The following GLYATL2 variants were observed in gnomAD, a reference collection of about 807,000 sequenced individuals.
The protein encoded by GLYATL2 is glycine N-acyltransferase-like protein 2.
In GLYATL2, 25 loss-of-function variants were observed where a neutral mutation model predicts 21.4. The observed-to-expected ratio is 1.17, with a 90% CI of 0.85 to 1.63. The LOEUF (loss-of-function observed/expected upper bound fraction) is 1.63. Ranked by LOEUF, GLYATL2 falls within the 40% of genes most tolerant of loss-of-function variation. The pLI, the probability that GLYATL2 is intolerant of heterozygous loss-of-function variation, is 0.00. For missense variants in GLYATL2, 361 were observed against 343.3 expected, an observed-to-expected ratio of 1.05 and a Z score of -0.41; for synonymous variants, 114 against 118.2, an observed-to-expected ratio of 0.96 and a Z score of 0.23.
intron 1 of GLYATL2, among the ~76,000 whole-genome samples, chr11:58,890,150 C>T (rs1213663816): frequency 4.6e-5 from 7 of 152,120 alleles, no homozygotes; most frequent in African/African-American, 1.7e-4. Flanking sequence ...ACATTTATGT[C>T]CATGTATGGT....
chr11:58,901,523 A>T (rs1590758285), intron 1 of GLYATL2, among the ~76,000 whole-genome samples: 1 of 152,332 alleles, frequency 6.6e-6, no homozygotes, highest in East Asian at 1.9e-4. Flanking sequence ...TTTAAAGTAA[A>T]GAGAATCACA....
At chr11:58,894,687 G>T (rs762075289) in intron 1 of GLYATL2, among the ~76,000 whole-genome samples, 5 of 152,136 alleles carry the variant, frequency 3.3e-5, no homozygotes, top group African/African-American at 4.8e-5. Flanking sequence ...TTAAGGAATT[G>T]TGTAGGTCAT....
intron 1 of GLYATL2, among the ~76,000 whole-genome samples, chr11:58,851,611 A>C (rs1853742865): frequency 2.0e-5 from 3 of 152,250 alleles, no homozygotes; most frequent in Admixed American, 2.0e-4. Flanking sequence ...CTTCTTCCAA[A>C]GAATTGTATT....
intron 1 of GLYATL2, among the ~76,000 whole-genome samples, chr11:58,860,910 G>T (rs1301970164): frequency 6.6e-6 from 1 of 152,040 alleles, no homozygotes; most frequent in East Asian, 1.9e-4. Context: ...TTATAGAACT[G>T]TACGTTGAAC....
At chr11:58,901,071 C>G (rs1020231160) in intron 1 of GLYATL2, among the ~76,000 whole-genome samples, 1 of 152,202 alleles carries the variant, frequency 6.6e-6, no homozygotes, top group Non-Finnish European at 1.5e-5. Flanking sequence ...GGTATTTAAG[C>G]GCTTGGCTTG....
chr11:58,908,508 T>C (rs527784177), upstream of GLYATL2: 39 of 213,110 alleles, frequency 1.8e-4, no homozygotes, highest in Non-Finnish European at 4.1e-4. Flanking sequence ...CATTTAGTGC[T>C]ACAGAGGATG....
At chr11:58,838,429 A>T in intron 2 of GLYATL2, 61 bp from the exon 3 acceptor site, 1 of 1,031,832 alleles carries the variant, frequency 9.7e-7, no homozygotes, top group Non-Finnish European at 1.5e-6. Context: ...AGAGTCTTAT[A>T]TGTGGAGAAA....
intron 2 of GLYATL2, 114 bp from the exon 3 acceptor site, chr11:58,838,482 C>T: frequency 4.7e-6 from 3 of 636,908 alleles, no homozygotes; most frequent in Non-Finnish European, 8.2e-6. Flanking sequence ...TATAGGAGGA[C>T]TTAGGATGGG....
intron 2 of GLYATL2, among the ~76,000 whole-genome samples, chr11:58,839,113 G>T (rs753455311): frequency 2.0e-5 from 3 of 152,150 alleles, no homozygotes; most frequent in Non-Finnish European, 2.9e-5. Flanking sequence ...AAATAAAAAA[G>T]GCTGGAGAAT....
intron 1 of GLYATL2, among the ~76,000 whole-genome samples, chr11:58,873,402 G>T (rs1854162870): frequency 6.6e-6 from 1 of 152,136 alleles, no homozygotes; most frequent in Admixed American, 6.5e-5. Context: ...TGTCCTTTCA[G>T]TATGATATTG....
At chr11:58,876,001 T>C (rs1854224113) in intron 1 of GLYATL2, among the ~76,000 whole-genome samples, 1 of 152,210 alleles carries the variant, frequency 6.6e-6, no homozygotes, top group Admixed American at 6.5e-5. Context: ...TTTTATTCTT[T>C]TTTCTCTAAA....
At chr11:58,905,739 A>AGG, upstream of GLYATL2, 1 of 2,392 alleles carries the variant, frequency 4.2e-4, no homozygotes, top group Non-Finnish European at 7.5e-4. Context: ...CTGGACAAAT[A>AGG]GGGAGGGTGG....
At chr11:58,875,222 A>G (rs1368730140) in intron 1 of GLYATL2, among the ~76,000 whole-genome samples, 2 of 152,116 alleles carry the variant, frequency 1.3e-5, no homozygotes, top group African/African-American at 2.4e-5. Flanking sequence ...CAGCACACTG[A>G]TGGGTCTTGA....
At chr11:58,890,797 T>C (rs933543703) in intron 1 of GLYATL2, among the ~76,000 whole-genome samples, 3 of 152,076 alleles carry the variant, frequency 2.0e-5, no homozygotes, top group Admixed American at 2.0e-4. Context: ...TATTTTTGCT[T>C]TTTCCTTTTT....
At chr11:58,849,870 G>A (rs1437981886) in intron 1 of GLYATL2, among the ~76,000 whole-genome samples, 1 of 151,982 alleles carries the variant, frequency 6.6e-6, no homozygotes, top group African/African-American at 2.4e-5. Flanking sequence ...AACTACCATA[G>A]CTCGCTTATA....
At chr11:58,889,530 G>A (rs1417593523) in intron 1 of GLYATL2, among the ~76,000 whole-genome samples, 3 of 151,948 alleles carry the variant, frequency 2.0e-5, no homozygotes, top group African/African-American at 7.2e-5. Flanking sequence ...GTCTTTACAG[G>A]TTTAGAGCAT....
chr11:58,885,327 T>A (rs1210953019), intron 1 of GLYATL2: 1 of 269,544 alleles, frequency 3.7e-6, no homozygotes, highest in East Asian at 8.7e-5. Context: ...ATTACTGACT[T>A]AGTCCCAGTA....
chr11:58,857,096 T>C (rs2134591356), intron 1 of GLYATL2, among the ~76,000 whole-genome samples: 1 of 152,326 alleles, frequency 6.6e-6, no homozygotes, highest in South Asian at 2.1e-4. Context: ...GAGGAATCTC[T>C]GTACTGTTTT....
intron 5 of GLYATL2, among the ~76,000 whole-genome samples, chr11:58,836,220 T>G (rs963273591): frequency 6.6e-6 from 1 of 152,210 alleles, no homozygotes; most frequent in African/African-American, 2.4e-5. Flanking sequence ...CATTGTTCTA[T>G]CCACCTTATT....
Sources: gnomAD v4.1 joint callset for allele counts (sites outside exome capture counted in the v4.1 genomes callset) on GRCh38, gnomAD v4.1.1 for gene constraint, MANE v1.5 for transcripts, NCBI Gene and HGNC (gene_info 2026-07-23, HGNC 2026-07-21) for gene names.